Variants in CADM1 observed in about 807,000 individuals in gnomAD.
The protein encoded by CADM1 is cell adhesion molecule 1, also known as TSLC-1.
In CADM1, 15 loss-of-function variants were observed where a neutral mutation model predicts 53.1. That is an observed-to-expected ratio of 0.28 (90% CI 0.19 to 0.44). The LOEUF is 0.44. Ranked by LOEUF, CADM1 falls within the 20% of genes least tolerant of loss-of-function variation. The pLI is 1.00. For missense variants in CADM1, 434 were observed against 611.3 expected, an observed-to-expected ratio of 0.71 and a Z score of 3.06; for synonymous variants, 281 against 243.0, an observed-to-expected ratio of 1.16 and a Z score of -1.45.
intron 1 of CADM1, among the ~76,000 whole-genome samples, chr11:115,308,663 A>G (rs72996030): frequency 0.15 from 22,975 of 151,862 alleles, 2,075 homozygotes; most frequent in African/African-American, 0.23. Context: ...GTAGAGTGTG[A>G]GTGCTATTCC....
chr11:115,426,593 G>A (rs1278267987), intron 1 of CADM1, among the ~76,000 whole-genome samples: 1 of 152,094 alleles, frequency 6.6e-6, no homozygotes, highest in African/African-American at 2.4e-5. Context: ...CCTGTGGCTG[G>A]AGAATCACCC....
At chr11:115,280,048 G>A (rs977362667) in intron 1 of CADM1, among the ~76,000 whole-genome samples, 1 of 152,198 alleles carries the variant, frequency 6.6e-6, no homozygotes, top group African/African-American at 2.4e-5. Flanking sequence ...ATTTAATCCA[G>A]TTAAATACAT....
intron 1 of CADM1, among the ~76,000 whole-genome samples, chr11:115,503,572 G>GGGGCC (rs1949781304): frequency 6.6e-6 from 1 of 152,066 alleles, no homozygotes; most frequent in South Asian, 2.1e-4. Context: ...CCCCCCCCGC[G>GGGGCC]GGGCCGGGCC....
chr11:115,446,199 TC>T (rs1948447473), intron 1 of CADM1, among the ~76,000 whole-genome samples: 1 of 152,188 alleles, frequency 6.6e-6, no homozygotes, highest in Admixed American at 6.5e-5. Context: ...ATTATCATTT[TC>T]CTTACTCCTC....
chr11:115,196,848 T>G (rs1351410739), intron 9 of CADM1, among the ~76,000 whole-genome samples: 1 of 152,130 alleles, frequency 6.6e-6, no homozygotes, highest in Non-Finnish European at 1.5e-5. Context: ...AATAACCCTT[T>G]GAGAATAATA....
chr11:115,190,444 A>G (rs1939790549), intron 10 of CADM1, among the ~76,000 whole-genome samples: 1 of 151,484 alleles, frequency 6.6e-6, no homozygotes, highest in African/African-American at 2.4e-5. Flanking sequence ...TAAGATAACT[A>G]CAACATGGCT....
intron 7 of CADM1, among the ~76,000 whole-genome samples, chr11:115,212,809 C>T (rs1329725590): frequency 4.6e-5 from 7 of 152,122 alleles, no homozygotes; most frequent in Admixed American, 2.6e-4. Context: ...AAAATGGGAT[C>T]GTGATAATGC....
chr11:115,465,170 G>A (rs554312150), intron 1 of CADM1, among the ~76,000 whole-genome samples: 5 of 152,234 alleles, frequency 3.3e-5, no homozygotes, highest in South Asian at 2.1e-4. Flanking sequence ...AATTAGAGCC[G>A]TTGATCTCTG....
At chr11:115,441,754 A>G (rs1257886524) in intron 1 of CADM1, among the ~76,000 whole-genome samples, 1 of 152,116 alleles carries the variant, frequency 6.6e-6, no homozygotes, top group East Asian at 1.9e-4. Context: ...CAATTCCCCA[A>G]ACCCTGCATC....
At chr11:115,494,677 GAA>G (rs1247165811) in intron 1 of CADM1, among the ~76,000 whole-genome samples, 10 of 152,144 alleles carry the variant, frequency 6.6e-5, no homozygotes, top group Admixed American at 4.6e-4. Flanking sequence ...CCCTAATGTG[GAA>G]GACTTACAAA....
intron 1 of CADM1, among the ~76,000 whole-genome samples, chr11:115,275,006 A>C (rs1317613778): frequency 6.6e-6 from 1 of 152,198 alleles, no homozygotes; most frequent in Non-Finnish European, 1.5e-5. Flanking sequence ...ATTACATTTC[A>C]GCCACTCTAA....
At chr11:115,344,541 C>G (rs1945527524) in intron 1 of CADM1, among the ~76,000 whole-genome samples, 2 of 152,148 alleles carry the variant, frequency 1.3e-5, no homozygotes, top group Admixed American at 6.6e-5. Context: ...GTTCATAGAA[C>G]TCCTCCCCTA....
chr11:115,282,268 C>A (rs981572219), intron 1 of CADM1, among the ~76,000 whole-genome samples: 1 of 152,120 alleles, frequency 6.6e-6, no homozygotes, highest in South Asian at 2.1e-4. Context: ...ATGTAACATG[C>A]TTAAGGAAGC....
In CADM1 at chr11:115,358,711, A is replaced by T. The variant is rs373406880; in HGVS notation, c.125-118291T>A. ...TGTCACATCAGTAATTTCAAAACAT[A>T]TTGCACAACAAGATCACCTAATCTA... On this transcript the variant is annotated intron_variant, in intron 1 of 11. Coordinates refer to ENST00000331581, the MANE Select transcript of CADM1 (RefSeq NM_001301043.2). Among the ~76,000 whole-genome samples the T allele has an allele frequency of 5.3e-5, 8 of 152,286 alleles. No individual in the cohort carries two copies. The East Asian group carries it at 1.4e-3, about 26-fold the overall frequency.
chr11:115,387,229 C>A (rs529102574), intron 1 of CADM1, among the ~76,000 whole-genome samples: 2 of 152,260 alleles, frequency 1.3e-5, no homozygotes, highest in South Asian at 2.1e-4. Flanking sequence ...AAGAGATGAA[C>A]CCCATTTGCT....
At chr11:115,426,080 C>T (rs1160041902) in intron 1 of CADM1, among the ~76,000 whole-genome samples, 3 of 152,160 alleles carry the variant, frequency 2.0e-5, no homozygotes, top group Admixed American at 6.5e-5. Context: ...GGCAGGAGGG[C>T]TACCTGCAGG....
intron 1 of CADM1, among the ~76,000 whole-genome samples, chr11:115,464,373 C>T (rs1041982762): frequency 3.9e-5 from 6 of 152,110 alleles, no homozygotes; most frequent in African/African-American, 9.7e-5. Context: ...TAAATTAAAG[C>T]GCATAATAGG....
chr11:115,188,880 G>A (rs1054082703), intron 10 of CADM1, among the ~76,000 whole-genome samples: 2 of 145,336 alleles, frequency 1.4e-5, no homozygotes, highest in East Asian at 2.0e-4. Flanking sequence ...CACTATGACA[G>A]CTGCTCAATT....
intron 8 of CADM1, among the ~76,000 whole-genome samples, chr11:115,204,742 T>A (rs1173639243): frequency 6.6e-6 from 1 of 152,234 alleles, no homozygotes; most frequent in Non-Finnish European, 1.5e-5. Context: ...ATTCTATACA[T>A]ATCACTGAAG....
Sources: allele counts gnomAD v4.1 joint callset (sites outside exome capture counted in the v4.1 genomes callset), GRCh38; gene constraint gnomAD v4.1.1; transcripts MANE v1.5; gene names NCBI Gene and HGNC (gene_info 2026-07-23, HGNC 2026-07-21).